BORCS5: variants seen among roughly 807,000 people sequenced by gnomAD.
BORCS5 encodes the protein BLOC-1 related complex subunit 5.
Under a neutral mutation model 22.1 loss-of-function variants are expected in BORCS5, and 17 were observed. The ratio of observed to expected loss-of-function variants is 0.77; its 90% CI spans 0.53 to 1.15. The LOEUF is 1.15. Ranked by LOEUF, BORCS5 falls within the 50% of genes most tolerant of loss-of-function variation. The pLI is 0.00. For synonymous variants in BORCS5, 117 were observed against 99.8 expected (o/e 1.17, Z -1.03); for missense variants, 247 against 253.2 (o/e 0.98, Z 0.17).
At chr12:12,426,233 T>C (rs1160125076) in intron 2 of BORCS5, among the ~76,000 whole-genome samples, 3 of 152,164 alleles carry the variant, frequency 2.0e-5, no homozygotes, top group Non-Finnish European at 2.9e-5. Flanking sequence ...AGATGAGCAG[T>C]TGAACATTTA....
intron 2 of BORCS5, among the ~76,000 whole-genome samples, chr12:12,369,593 G>T (rs545864401): frequency 1.0e-3 from 150 of 150,568 alleles, no homozygotes; most frequent in African/African-American, 3.5e-3. Flanking sequence ...TTTAGTGGTT[G>T]CTCTAGAGGT....
At chr12:12,435,392 C>T (rs1009260177) in intron 2 of BORCS5, among the ~76,000 whole-genome samples, 1 of 152,156 alleles carries the variant, frequency 6.6e-6, no homozygotes, top group Non-Finnish European at 1.5e-5. Context: ...TAATACCTCA[C>T]TTTCCAGGGC....
chr12:12,397,755 T>C (rs939317483), intron 2 of BORCS5, among the ~76,000 whole-genome samples: 2 of 152,224 alleles, frequency 1.3e-5, no homozygotes, highest in African/African-American at 4.8e-5. Flanking sequence ...AGAGCATTCA[T>C]TAAGAAGTGC....
rs1281404235 is a variant in BORCS5, at chr12:12,361,260, C to T, written c.113C>T (p.Ala38Val). Residue 38 changes from alanine to valine, a missense_variant, in exon 2 of 4, where the codon GCT becomes GTT. Ala to Val is a moderately conservative substitution (Grantham distance 64). Coordinates refer to ENST00000314565, the MANE Select transcript of BORCS5 (RefSeq NM_058169.6). The stretch of plus-strand genomic sequence containing the variant: ...AAGATGGATGATATTGTGGTTGTAG[C>T]TCAGGGCTCCCAGGCCTCACGGAAC... ...RAKMDDIVVV[A>V]QGSQASRNVS... 13 of 1,614,174 alleles carry T rather than the reference C, an allele frequency of 8.1e-6. No homozygotes were observed. The highest frequency in any genetic ancestry group is 1.1e-5 in the Non-Finnish European group (13 of 1,180,032).
At chr12:12,359,520 C>T (rs1279245420) in intron 1 of BORCS5, among the ~76,000 whole-genome samples, 1 of 151,936 alleles carries the variant, frequency 6.6e-6, no homozygotes, top group Non-Finnish European at 1.5e-5. Flanking sequence ...TGCCACCACG[C>T]CTGGATAATT....
Position 12,386,453 on chromosome 12 carries a change from A to ATTTTT in BORCS5, c.202+25114_202+25118dup, listed in dbSNP as rs71061054. Among the ~76,000 whole-genome samples, 716 of 140,150 alleles carry ATTTTT rather than the reference A, an allele frequency of 5.1e-3. 21 individuals are homozygous for ATTTTT. The highest frequency in any genetic ancestry group is 0.012 in the African/African-American group (443 of 37,694). 91.9% of individuals were successfully genotyped at this position (140,150 alleles called of 152,430 possible). A position where few individuals can be genotyped will look rare whatever the true frequency, so the allele number is the denominator to read the frequency against. ...GGTGGGGTTAAAGTCCACTGTTGCT[A>ATTTTT]TTTTTTTTTTTTTTATTTGTTCTAG... On this transcript the variant is annotated intron_variant, in intron 2 of 3. Transcript: ENST00000314565.
intron 2 of BORCS5, among the ~76,000 whole-genome samples, chr12:12,429,479 A>G (rs764312042): frequency 6.6e-6 from 1 of 152,168 alleles, no homozygotes; most frequent in Non-Finnish European, 1.5e-5. Context: ...GGAGATTCCT[A>G]TGAGTCAAGG....
intron 2 of BORCS5, among the ~76,000 whole-genome samples, chr12:12,411,803 T>G (rs77837507): frequency 0.013 from 2,046 of 152,314 alleles, 38 homozygotes; most frequent in African/African-American, 0.046. Flanking sequence ...TAATTAACTT[T>G]TGTATATGGT....
chr12:12,367,098 G>A (rs182566019), intron 2 of BORCS5, among the ~76,000 whole-genome samples: 55 of 152,244 alleles, frequency 3.6e-4, no homozygotes, highest in Middle Eastern at 6.8e-3. Context: ...ATAGTGGAGC[G>A]AAATCTCATG....
At chr12:12,433,767 G>T (rs1483655997) in intron 2 of BORCS5, among the ~76,000 whole-genome samples, 1 of 152,210 alleles carries the variant, frequency 6.6e-6, no homozygotes, top group Non-Finnish European at 1.5e-5. Flanking sequence ...GCAGTGGAAT[G>T]TGGAGGAGCC....
chr12:12,388,947 G>A (rs553349610), intron 2 of BORCS5, among the ~76,000 whole-genome samples: 3 of 150,986 alleles, frequency 2.0e-5, no homozygotes, highest in Non-Finnish European at 3.0e-5. Context: ...CTACAGTTCC[G>A]AGGCCTATTT....
chr12:12,445,996 G>A (rs1942781493), intron 3 of BORCS5, among the ~76,000 whole-genome samples: 1 of 152,022 alleles, frequency 6.6e-6, no homozygotes, highest in African/African-American at 2.4e-5. Context: ...TCTCATAAGA[G>A]TTCCATCTCC....
At chr12:12,446,879 G>A (rs750763052) in intron 3 of BORCS5, among the ~76,000 whole-genome samples, 16 of 152,186 alleles carry the variant, frequency 1.1e-4, no homozygotes, top group Admixed American at 6.5e-4. Flanking sequence ...AGGACCATAC[G>A]GAGCTATGTA....
At position 12,417,987 on chromosome 12, in the gene BORCS5, CATTTATTTATTT is replaced by C. The variant is rs144698905; in HGVS notation, c.203-17600_203-17589del. On this transcript the variant is annotated intron_variant, in intron 2 of 3. Coordinates refer to ENST00000314565, the MANE Select transcript of BORCS5 (RefSeq NM_058169.6). ...TTTTTATCTTCTTGCTATATCAAAC[CATTTATTTATTT>C]ATTTATTTATTTATTTATTTATTTA... Among the ~76,000 whole-genome samples, 1,227 of 138,982 alleles carry C rather than the reference CATTTATTTATTT, an allele frequency of 8.8e-3. 17 individuals carry two copies. The highest frequency in any genetic ancestry group is 0.026 in the African/African-American group (1,006 of 38,346). The allele number at this position is 138,982 out of a possible 152,430, so 91.2% of individuals were successfully genotyped here.
Position 12,430,097 on chromosome 12 carries a change from C to G in BORCS5, c.203-5531C>G, listed in dbSNP as rs200578370. ...ATAAAAAGATAAGCAAAACGTGGTC[C>G]CTGTCTTCAACCAGCTCACCATTTG... On this transcript the variant is annotated intron_variant, in intron 2 of 3. Transcript: ENST00000314565. 6.6e-5 allele frequency among the ~76,000 whole-genome samples: 10 copies of G among 151,948 alleles called. No individual in the cohort carries two copies. The East Asian group carries it at 1.5e-3, about 23-fold the overall frequency.
At chr12:12,443,392 C>T (rs550050073) in intron 3 of BORCS5, among the ~76,000 whole-genome samples, 1 of 152,358 alleles carries the variant, frequency 6.6e-6, no homozygotes, top group Admixed American at 6.5e-5. Flanking sequence ...TGAAACCTTA[C>T]AGTGTAATTA....
At position 12,466,130 on chromosome 12, in the gene BORCS5, G is replaced by A. The variant is rs1943198233; in HGVS notation, c.*354G>A. 5.2e-6 allele frequency: 1 copy of A among 191,680 alleles called. No individual in the cohort carries two copies. Among genetic ancestry groups the A allele is most frequent in the Admixed American group, 5.8e-5 (1 of 17,190 alleles). The allele number at this position is 191,680 out of a possible 1,614,324, so 11.9% of individuals were successfully genotyped here. A position where few individuals can be genotyped will look rare whatever the true frequency, so the allele number is the denominator to read the frequency against. ...CCAGGTACCGGAATAAAAATATGGA[G>A]ACAAGGGGAAAATATTTTACGAAGC... On this transcript the variant is annotated 3_prime_UTR_variant, in exon 4 of 4. Transcript: ENST00000314565.
At chr12:12,375,430 C>T (rs893612103) in intron 2 of BORCS5, among the ~76,000 whole-genome samples, 1 of 152,156 alleles carries the variant, frequency 6.6e-6, no homozygotes, top group African/African-American at 2.4e-5. Flanking sequence ...TTGAGACCAG[C>T]CTGGGCAACA....
intron 2 of BORCS5, among the ~76,000 whole-genome samples, chr12:12,432,265 T>A (rs561465855): frequency 1.3e-5 from 2 of 152,342 alleles, no homozygotes; most frequent in Admixed American, 1.3e-4. Context: ...TTCATTCCTT[T>A]TTCCATGGTG....
Sources: allele counts gnomAD v4.1 joint callset (sites outside exome capture counted in the v4.1 genomes callset), GRCh38; gene constraint gnomAD v4.1.1; transcripts MANE v1.5; gene names NCBI Gene and HGNC (gene_info 2026-07-23, HGNC 2026-07-21).